PTPRM: variants seen among roughly 807,000 people sequenced by gnomAD.
PTPRM encodes protein tyrosine phosphatase receptor type M, also known as receptor-type tyrosine-protein phosphatase mu.
In PTPRM, 47 loss-of-function variants were observed where a neutral mutation model predicts 186.7. That is an observed-to-expected ratio of 0.25 (90% CI 0.20 to 0.32). The LOEUF is 0.32. Among genes scored for constraint, PTPRM ranks in the 10% least tolerant of loss-of-function variants. PTPRM has a pLI of 1.00. For synonymous variants in PTPRM, 668 were observed against 674.9 expected (o/e 0.99, Z 0.16); for missense variants, 1,494 against 1,865.0 (o/e 0.80, Z 3.66).
intron 13 of PTPRM, among the ~76,000 whole-genome samples, chr18:8,131,154 A>G (rs1461344626): frequency 6.6e-6 from 1 of 152,164 alleles, no homozygotes; most frequent in Non-Finnish European, 1.5e-5. Flanking sequence ...TCAAAATTGA[A>G]CTTCTGGGAA....
At chr18:7,920,605 T>C (rs1230829931) in intron 4 of PTPRM, among the ~76,000 whole-genome samples, 1 of 152,210 alleles carries the variant, frequency 6.6e-6, no homozygotes, top group Non-Finnish European at 1.5e-5. Flanking sequence ...TCTTTTGGGC[T>C]TCACAATACT....
Position 8,016,547 on chromosome 18 carries a change from GAAAA to G in PTPRM, c.1133-53134_1133-53131del, listed in dbSNP as rs1174035972. 2.1e-3 allele frequency among the ~76,000 whole-genome samples: 297 copies of G among 142,364 alleles called. 3 individuals are homozygous for G. The highest frequency in any genetic ancestry group is 7.4e-3 in the African/African-American group (283 of 38,360). The allele number at this position is 142,364 out of a possible 152,430, so 93.4% of individuals were successfully genotyped here. ...GAGTCTGTCAAAAAAAAAAAAAAAA[GAAAA>G]AAAAGAAAAGAAAACACAAGAAAAA... On this transcript the variant is annotated intron_variant, in intron 7 of 32. Coordinates refer to ENST00000580170, the MANE Select transcript of PTPRM (RefSeq NM_001105244.2).
At chr18:7,993,959 C>G (rs2083397230) in intron 7 of PTPRM, among the ~76,000 whole-genome samples, 1 of 151,880 alleles carries the variant, frequency 6.6e-6, no homozygotes, top group Admixed American at 6.6e-5. Flanking sequence ...AAGTTCTCAC[C>G]TATTAATAAC....
At chr18:8,239,383 A>G (rs1032254100) in intron 14 of PTPRM, among the ~76,000 whole-genome samples, 2 of 152,032 alleles carry the variant, frequency 1.3e-5, no homozygotes, top group South Asian at 2.1e-4. Flanking sequence ...CAGAGTGGCT[A>G]CTTACCAGTG....
chr18:8,101,107 TTA>T (rs1260458586), intron 11 of PTPRM, among the ~76,000 whole-genome samples: 1 of 152,202 alleles, frequency 6.6e-6, no homozygotes, highest in African/African-American at 2.4e-5. Context: ...GTAGGACTGT[TTA>T]TAGATAACAG....
At chr18:7,673,427 A>C (rs1037997257) in intron 1 of PTPRM, among the ~76,000 whole-genome samples, 3 of 152,234 alleles carry the variant, frequency 2.0e-5, no homozygotes, top group Non-Finnish European at 4.4e-5. Context: ...GAAATATAGG[A>C]GATAGAAAGT....
At chr18:8,193,542 A>G (rs1396879467) in intron 14 of PTPRM, among the ~76,000 whole-genome samples, 3 of 152,238 alleles carry the variant, frequency 2.0e-5, no homozygotes, top group Non-Finnish European at 4.4e-5. Flanking sequence ...ATGAACATCA[A>G]CTGTCCTGTA....
chr18:8,027,481 G>A (rs1057052277), intron 7 of PTPRM, among the ~76,000 whole-genome samples: 1 of 152,188 alleles, frequency 6.6e-6, no homozygotes, highest in Admixed American at 6.5e-5. Context: ...GTGTACACTT[G>A]TAGGGTAATA....
chr18:8,175,522 A>G (rs1041949993), intron 14 of PTPRM, among the ~76,000 whole-genome samples: 22 of 152,234 alleles, frequency 1.4e-4, no homozygotes, highest in Non-Finnish European at 2.5e-4. Context: ...ATGCTATAAT[A>G]TAATCACACC....
At chr18:8,359,783 C>T (rs73382281) in intron 23 of PTPRM, among the ~76,000 whole-genome samples, 5 of 152,202 alleles carry the variant, frequency 3.3e-5, no homozygotes, top group Admixed American at 2.0e-4. Flanking sequence ...CATCATTGGA[C>T]GCAATATGGG....
chr18:8,184,273 T>C (rs1016766024), intron 14 of PTPRM, among the ~76,000 whole-genome samples: 1 of 152,204 alleles, frequency 6.6e-6, no homozygotes, highest in Non-Finnish European at 1.5e-5. Flanking sequence ...GTTTCAAGTT[T>C]ATTTCATCTT....
At chr18:7,856,568 G>A (rs184470361) in intron 2 of PTPRM, among the ~76,000 whole-genome samples, 2 of 151,228 alleles carry the variant, frequency 1.3e-5, no homozygotes, top group Admixed American at 6.6e-5. Context: ...GTGAGACCCT[G>A]TCTTTGCAGA....
At chr18:7,590,368 G>A (rs1348705362) in intron 1 of PTPRM, among the ~76,000 whole-genome samples, 1 of 152,124 alleles carries the variant, frequency 6.6e-6, no homozygotes, top group Non-Finnish European at 1.5e-5. Flanking sequence ...CTGTTCCCAG[G>A]GTGATGGGTC....
chr18:7,653,340 T>C (rs1301132896), intron 1 of PTPRM, among the ~76,000 whole-genome samples: 1 of 152,038 alleles, frequency 6.6e-6, no homozygotes, highest in Non-Finnish European at 1.5e-5. Context: ...AACTTTTAAG[T>C]TCTAGGGTAC....
At chr18:8,050,233 G>A (rs564599187) in intron 7 of PTPRM, among the ~76,000 whole-genome samples, 1 of 152,168 alleles carries the variant, frequency 6.6e-6, no homozygotes, top group South Asian at 2.1e-4. Context: ...AGCAAGAAGG[G>A]TTCTGTGATC....
chr18:7,981,132 C>G (rs1179836507), intron 7 of PTPRM, among the ~76,000 whole-genome samples: 1 of 152,136 alleles, frequency 6.6e-6, no homozygotes, highest in Non-Finnish European at 1.5e-5. Flanking sequence ...CCTCCTCTCC[C>G]GCTGGTTTTC....
chr18:7,939,398 A>G (rs2052026204), intron 5 of PTPRM, among the ~76,000 whole-genome samples: 1 of 152,196 alleles, frequency 6.6e-6, no homozygotes, highest in Non-Finnish European at 1.5e-5. Context: ...TGATTATTGC[A>G]AAACTATTTC....
chr18:8,262,235 C>A (rs1358212184), intron 19 of PTPRM, among the ~76,000 whole-genome samples: 1 of 152,180 alleles, frequency 6.6e-6, no homozygotes, highest in Non-Finnish European at 1.5e-5. Context: ...TCGGAAGAGT[C>A]CCCTGACTTG....
chr18:8,369,330 T>C (rs1240208148), intron 23 of PTPRM, among the ~76,000 whole-genome samples: 1 of 152,166 alleles, frequency 6.6e-6, no homozygotes, highest in Non-Finnish European at 1.5e-5. Context: ...AACAAGTAAA[T>C]AGCACTGGGA....
Sources: allele counts gnomAD v4.1 joint callset (sites outside exome capture counted in the v4.1 genomes callset), GRCh38; gene constraint gnomAD v4.1.1; transcripts MANE v1.5; gene names NCBI Gene and HGNC (gene_info 2026-07-23, HGNC 2026-07-21).